The following SH3BP5L variants were observed in gnomAD, a reference collection of about 807,000 sequenced individuals.
The protein encoded by SH3BP5L is SH3 domain-binding protein 5-like.
In SH3BP5L, 16 loss-of-function variants were observed where a neutral mutation model predicts 40.9. The observed-to-expected ratio is 0.39, with a 90% CI of 0.27 to 0.59. SH3BP5L has a LOEUF of 0.59. SH3BP5L is among the 20% of genes least tolerant of loss of function. SH3BP5L has a pLI of 0.53. For synonymous variants in SH3BP5L, 229 were observed against 226.7 expected (o/e 1.01, Z -0.09); for missense variants, 471 against 544.6 (o/e 0.86, Z 1.35).
intron 5 of SH3BP5L, chr1:248,814,243 T>C: frequency 1.6e-6 from 1 of 613,850 alleles, no homozygotes; most frequent in South Asian, 2.0e-5. Context: ...GAGCCCGGGA[T>C]GACATTCTAA....
Position 248,821,986 on chromosome 1 carries a change from G to A in SH3BP5L, c.183+2767C>T, listed in dbSNP as rs1664264605. Among the ~76,000 whole-genome samples the A allele has an allele frequency of 6.6e-6, 1 of 152,178 alleles. No homozygotes were observed. The highest frequency in any genetic ancestry group is 2.1e-4 in the South Asian group (1 of 4,828). On this transcript the variant is annotated intron_variant, in intron 2 of 6. Coordinates refer to ENST00000366472, the MANE Select transcript of SH3BP5L (RefSeq NM_030645.3). This position sits in a 1 kb window ranked among gnomAD's most constrained non-coding sequence, Gnocchi z 4.6. ...ACCTTTGGGATATACCTGGCCCAGT[G>A]GATTTGGCTCTGACTGTAACATCAG...
intron 5 of SH3BP5L, 196 bp from the exon 6 acceptor site, chr1:248,813,358 C>T (rs1227827077): frequency 1.3e-5 from 6 of 462,598 alleles, no homozygotes; most frequent in Non-Finnish European, 2.2e-5. Context: ...ATTTCTGTCT[C>T]TCTTGGATCT....
chr1:248,816,922 G>C (rs367789061), intron 2 of SH3BP5L, 38 bp from the exon 3 acceptor site: 1 of 1,613,602 alleles, frequency 6.2e-7, no homozygotes, highest in Non-Finnish European at 8.5e-7. Context: ...TGCAGTGGAA[G>C]GAAGTAGCCT....
intron 2 of SH3BP5L, among the ~76,000 whole-genome samples, chr1:248,822,385 T>G (rs1360172812): frequency 6.6e-6 from 1 of 152,216 alleles, no homozygotes; most frequent in Non-Finnish European, 1.5e-5. Context: ...GTCAGAGCAC[T>G]GGCGTACCCA....
At position 248,812,341 on chromosome 1, in the gene SH3BP5L, C is replaced by T; in HGVS notation, c.741G>A (p.Glu247=). ...GCGTCTTGGCCTGAGCTACCTGCTG[C>T]TCCAGTTCTGTCACCTTGGCCTTGT... ...EEHKAKVTEL[E]QQVAQAKTRY... The change falls in exon 7 of 7, where the codon GAG becomes GAA. Residue 247 remains glutamate, a synonymous_variant. Transcript: ENST00000366472. The surrounding 1 kb of genome is among the most constrained non-coding windows in gnomAD (Gnocchi z 6.1). 1.2e-6 allele frequency: 2 copies of T among 1,607,430 alleles called. No homozygotes were observed. Among genetic ancestry groups the T allele is most frequent in the Non-Finnish European group, 1.7e-6 (2 of 1,179,966 alleles).
At chr1:248,816,408 G>T in intron 4 of SH3BP5L, 126 bp downstream of exon 4, 1 of 1,272,940 alleles carries the variant, frequency 7.9e-7, no homozygotes, top group Non-Finnish European at 1.1e-6. Flanking sequence ...GTTCCGACCA[G>T]CCAGGTCTAG....
intron 2 of SH3BP5L, among the ~76,000 whole-genome samples, chr1:248,818,377 G>A (rs1241633414): frequency 3.3e-5 from 5 of 151,458 alleles, no homozygotes; most frequent in African/African-American, 9.7e-5. Flanking sequence ...AAAAAAAAAG[G>A]TGGAGGCTGT....
In SH3BP5L at chr1:248,824,962, T is replaced by C; in HGVS notation, c.-27A>G. The C allele has an allele frequency of 3.1e-6, 5 of 1,597,522 alleles. No homozygotes were observed. The highest frequency in any genetic ancestry group is 4.3e-6 in the Non-Finnish European group (5 of 1,173,430). ...CTGACAGGGGGAGGGCAGAGCCCTA[T>C]GCACAAGAGAGGACTGACATGCTGG... On this transcript the variant is annotated 5_prime_UTR_variant, in exon 2 of 7. Coordinates refer to ENST00000366472, the MANE Select transcript of SH3BP5L (RefSeq NM_030645.3).
In SH3BP5L at chr1:248,812,336, T is replaced by C. The variant is rs761294954; in HGVS notation, c.746A>G (p.Gln249Arg). Residue 249 changes from glutamine (Q) to arginine (R), a missense_variant, in exon 7 of 7, where the codon CAG becomes CGG. Around this residue, in one of 2 missense-constraint regions of SH3BP5L, gnomAD observed 275 missense variants for 370.1 expected, o/e 0.74. Transcript: ENST00000366472. The surrounding 1 kb of genome is among the most constrained non-coding windows in gnomAD (Gnocchi z 6.1). ...HKAKVTELEQ[Q>R]VAQAKTRYSV... The stretch of plus-strand genomic sequence containing the variant: ...GTAGCGCGTCTTGGCCTGAGCTACC[T>C]GCTGCTCCAGTTCTGTCACCTTGGC... 6.2e-7 allele frequency: 1 copy of C among 1,608,072 alleles called. No individual in the cohort carries two copies. Among genetic ancestry groups the C allele is most frequent in the East Asian group, 2.2e-5 (1 of 44,878 alleles).
chr1:248,814,877 C>T (rs1664061127), intron 4 of SH3BP5L: 1 of 578,550 alleles, frequency 1.7e-6, no homozygotes, highest in Non-Finnish European at 3.2e-6. Flanking sequence ...AGCCTTTTCC[C>T]CTAGGGAAAA....
Position 248,813,310 on chromosome 1 carries a change from G to A in SH3BP5L, c.538-148C>T, listed in dbSNP as rs536791785. The A allele has an allele frequency of 8.4e-5, 63 of 748,634 alleles. No homozygotes were observed. The South Asian group carries it at 1.4e-3, about 16-fold the overall frequency. The allele number at this position is 748,634 out of a possible 1,614,324, so 46.4% of individuals were successfully genotyped here. ...CAACTGTGTACAGAGCCCGAGACACGCAGGGGAACACGGGGTCTATGAGCC... is the reference window on the plus strand; with the variant it reads ...CAACTGTGTACAGAGCCCGAGACACACAGGGGAACACGGGGTCTATGAGCC... On this transcript the variant is annotated intron_variant, in intron 5 of 6. Transcript: ENST00000366472.
intron 2 of SH3BP5L, among the ~76,000 whole-genome samples, chr1:248,822,784 C>G (rs1028542128): frequency 6.6e-6 from 1 of 151,846 alleles, no homozygotes; most frequent in Non-Finnish European, 1.5e-5. Flanking sequence ...TGCCTCAACC[C>G]CCCAAGTAGC....
intron 2 of SH3BP5L, among the ~76,000 whole-genome samples, chr1:248,818,609 C>T (rs1393161158): frequency 6.6e-6 from 1 of 152,178 alleles, no homozygotes; most frequent in Non-Finnish European, 1.5e-5. Flanking sequence ...GCTGGACAAG[C>T]TGGTTTGAGT....
chr1:248,819,725 A>T (rs1664202592), intron 2 of SH3BP5L, among the ~76,000 whole-genome samples: 3 of 149,046 alleles, frequency 2.0e-5, no homozygotes, highest in Admixed American at 2.0e-4. Flanking sequence ...AAAAAAAAAA[A>T]ATCACAAAAA....
intron 4 of SH3BP5L, among the ~76,000 whole-genome samples, chr1:248,815,138 G>A (rs78723536): frequency 0.02 from 3,115 of 152,248 alleles, 112 homozygotes; most frequent in African/African-American, 0.071. Context: ...TAAGCTGGGC[G>A]CAGTGGCTTC....
rs775811922 is a variant in SH3BP5L at position 248,812,326 on chromosome 1, C to T, written c.756G>A (p.Gln252=). ...KVTELEQQVA[Q]AKTRYSVALR... ...GGGCCACGGAGTAGCGCGTCTTGGC[C>T]TGAGCTACCTGCTGCTCCAGTTCTG... Residue 252 remains glutamine (Q), a synonymous_variant, in exon 7 of 7, where the codon CAG becomes CAA. Coordinates refer to ENST00000366472, the MANE Select transcript of SH3BP5L (RefSeq NM_030645.3). This position sits in a 1 kb window ranked among gnomAD's most constrained non-coding sequence, Gnocchi z 6.1. 6 of 1,609,030 alleles carry T rather than the reference C, an allele frequency of 3.7e-6. No individual in the cohort carries two copies. In the South Asian group the frequency reaches 5.5e-5, roughly 15 times the overall value.
intron 2 of SH3BP5L, among the ~76,000 whole-genome samples, chr1:248,822,713 G>C (rs755888517): frequency 6.6e-5 from 10 of 150,734 alleles, no homozygotes; most frequent in Non-Finnish European, 1.0e-4. Flanking sequence ...ACCCAGGCTA[G>C]AGTGCAGTGG....
At position 248,824,974 on chromosome 1, in the gene SH3BP5L, G is replaced by A. The variant is rs1477696186; in HGVS notation, c.-39C>T. ...GGGCAGAGCCCTATGCACAAGAGAG[G>A]ACTGACATGCTGGGACCAGGGCCCC... On this transcript the variant is annotated 5_prime_UTR_variant, in exon 2 of 7. Coordinates refer to ENST00000366472, the MANE Select transcript of SH3BP5L (RefSeq NM_030645.3). The A allele has an allele frequency of 6.4e-7, 1 of 1,574,522 alleles. No individual in the cohort carries two copies. Among genetic ancestry groups the A allele is most frequent in the South Asian group, 1.2e-5 (1 of 86,032 alleles).
chr1:248,812,216 G>A lies in SH3BP5L; in HGVS notation c.866C>T (p.Ser289Phe), dbSNP rs1663963297. 5 of 1,605,838 alleles carry A rather than the reference G, an allele frequency of 3.1e-6. No homozygotes were observed. Among genetic ancestry groups the A allele is most frequent in the Non-Finnish European group, 4.2e-6 (5 of 1,177,196 alleles). ...LPPHPLGPRRSSPVGAEAGPE... is the reference protein window; with the variant it reads ...LPPHPLGPRRFSPVGAEAGPE... ...TCCTGCCTCGGCCCCCACGGGGGAG[G>A]AGCGCCGAGGGCCCAGGGGGTGGGG... The change falls in exon 7 of 7, where the codon TCC becomes TTC. Residue 289 changes from serine to phenylalanine, a missense_variant. Coordinates refer to ENST00000366472, the MANE Select transcript of SH3BP5L (RefSeq NM_030645.3). The surrounding 1 kb of genome is among the most constrained non-coding windows in gnomAD (Gnocchi z 6.1).
Sources: allele counts gnomAD v4.1 joint callset (sites outside exome capture counted in the v4.1 genomes callset), GRCh38; gene constraint gnomAD v4.1.1; regional missense constraint gnomAD v4.1.1; non-coding constraint Gnocchi (gnomAD v3.1); transcripts MANE v1.5; gene names NCBI Gene and HGNC (gene_info 2026-07-23, HGNC 2026-07-21).